Variants in ACVR1 observed in about 807,000 individuals in gnomAD.
ACVR1 encodes activin receptor type-1.
In ACVR1, 38 loss-of-function variants were observed where a neutral mutation model predicts 57.1. The ratio of observed to expected loss-of-function variants is 0.67; its 90% CI spans 0.51 to 0.87. The LOEUF (loss-of-function observed/expected upper bound fraction) is 0.87, where lower values mean the gene tolerates loss of function less well. ACVR1 is among the 40% of genes least tolerant of loss of function. The pLI, the probability that ACVR1 is intolerant of heterozygous loss-of-function variation, is 0.00. For synonymous variants in ACVR1, 212 were observed against 228.1 expected (o/e 0.93, Z 0.63); for missense variants, 463 against 638.2 (o/e 0.73, Z 2.96).
In ACVR1 at chr2:157,799,501, C is replaced by A; in HGVS notation, c.-7-1G>T. The A allele has an allele frequency of 6.2e-7, 1 of 1,607,528 alleles. No homozygotes were observed. Among genetic ancestry groups the A allele is most frequent in the Non-Finnish European group, 8.5e-7 (1 of 1,174,344 alleles). On this transcript the variant is annotated splice_acceptor_variant, in intron 2 of 10. Coordinates refer to ENST00000434821, the MANE Select transcript of ACVR1 (RefSeq NM_001111067.4). LOFTEE classifies it low-confidence loss of function (5UTR_SPLICE). ...CATCACTCCATCTACCATTGTACAA[C>A]TGTAAAGGGAAAAGAAGAGATGTAA...
intron 8 of ACVR1, among the ~76,000 whole-genome samples, chr2:157,764,252 G>A (rs1442251138): frequency 6.6e-6 from 1 of 151,818 alleles, no homozygotes; most frequent in African/African-American, 2.4e-5. Flanking sequence ...GCGCGACCTC[G>A]GCTCACTGCA....
intron 6 of ACVR1, 59 bp downstream of exon 6, chr2:157,774,029 C>T: frequency 6.7e-7 from 1 of 1,486,862 alleles, no homozygotes. Context: ...CCATCTTTTA[C>T]TTCAAAAACA....
intron 1 of ACVR1, among the ~76,000 whole-genome samples, chr2:157,842,096 G>A (rs550808304): frequency 1.3e-5 from 2 of 151,620 alleles, no homozygotes; most frequent in South Asian, 4.2e-4. Context: ...GCTACTTTAG[G>A]GGGAGTCATT....
intron 1 of ACVR1, among the ~76,000 whole-genome samples, chr2:157,834,270 T>G (rs1388530683): frequency 6.6e-6 from 1 of 152,142 alleles, no homozygotes; most frequent in Admixed American, 6.6e-5. Context: ...TTTTTGTGTT[T>G]TTAGCAGAGA....
rs1035254243 is a variant in ACVR1 at position 157,760,889 on chromosome 2, C to G, written c.1255G>C (p.Val419Leu). Residue 419 changes from valine to leucine, a missense_variant, in exon 9 of 11, where the codon GTG becomes CTG. Physicochemically the swap from Val to Leu is conservative, Grantham distance 32 (BLOSUM62 1). This residue lies in a region of ACVR1 where 146 missense variants were observed against 186.6 expected (regional missense o/e 0.78). Coordinates refer to ENST00000434821, the MANE Select transcript of ACVR1 (RefSeq NM_001111067.4). ...TAGATTAGATACCTACCATTGCTCA[C>G]CATCCGCCTGGCCACTTCCCACAAA... Reference protein sequence around the residue: ...LVLWEVARRMVSNGIVEDYKP... With the variant: ...LVLWEVARRMLSNGIVEDYKP... 11 of 1,614,116 alleles carry G rather than the reference C, an allele frequency of 6.8e-6. No individual in the cohort carries two copies. The East Asian group carries it at 2.5e-4, about 36-fold the overall frequency.
At chr2:157,798,489 C>A (rs1183826391) in intron 3 of ACVR1, among the ~76,000 whole-genome samples, 2 of 138,236 alleles carry the variant, frequency 1.4e-5, no homozygotes, top group African/African-American at 5.5e-5. Flanking sequence ...TCATGCCCAA[C>A]TACACCATAA....
intron 1 of ACVR1, among the ~76,000 whole-genome samples, chr2:157,820,090 C>T (rs893678403): frequency 2.0e-5 from 3 of 152,146 alleles, no homozygotes; most frequent in East Asian, 1.9e-4. Context: ...ACTATCAAAC[C>T]GTTCCTCACT....
intron 3 of ACVR1, 30 bp downstream of exon 3, chr2:157,799,392 ACTTAT>A (rs762882208): frequency 6.7e-5 from 103 of 1,537,524 alleles, no homozygotes; most frequent in African/African-American, 9.6e-5. Flanking sequence ...ATCACAGTAT[ACTTAT>A]CTTAACCCAA....
At chr2:157,825,558 G>C (rs1191786689) in intron 1 of ACVR1, among the ~76,000 whole-genome samples, 1 of 152,178 alleles carries the variant, frequency 6.6e-6, no homozygotes, top group Non-Finnish European at 1.5e-5. Flanking sequence ...TAGATTCTCA[G>C]TGGAGCGAAC....
rs762595055 is a variant in ACVR1, at chr2:157,765,928, T to G, written c.1059A>C (p.Ala353=). The change falls in exon 8 of 11, where the codon GCA becomes GCC. Residue 353 remains alanine, a synonymous_variant. Coordinates refer to ENST00000434821, the MANE Select transcript of ACVR1 (RefSeq NM_001111067.4). ...LVKKNGQCCI[A]DLGLAVMHSQ... ...ATATTTTTAGAAATTTACCCAAATC[T>G]GCTATGCAACACTGTCCATTCTTCT... 1.2e-6 allele frequency: 2 copies of G among 1,613,988 alleles called. No homozygotes were observed. The highest frequency in any genetic ancestry group is 1.7e-6 in the Non-Finnish European group (2 of 1,180,020).
Position 157,778,263 on chromosome 2 carries a change from A to G in ACVR1, c.411T>C (p.Leu137=). 1.2e-6 allele frequency: 2 copies of G among 1,614,136 alleles called. No individual in the cohort carries two copies. Among genetic ancestry groups the G allele is most frequent in the Non-Finnish European group, 1.7e-6 (2 of 1,180,008 alleles). Residue 137 remains leucine, a synonymous_variant, in exon 5 of 11, where the codon CTT becomes CTC. Coordinates refer to ENST00000434821, the MANE Select transcript of ACVR1 (RefSeq NM_001111067.4). ...GAGCAACTCCCAGCAGGCAGGCTAA[A>G]AGACATACTGCGAACACTACAGAGA... ...IILSVVFAVC[L]LACLLGVALR...
chr2:157,741,442 T>C (rs1046327711), intron 9 of ACVR1, among the ~76,000 whole-genome samples: 10 of 151,746 alleles, frequency 6.6e-5, no homozygotes, highest in Non-Finnish European at 8.8e-5. Context: ...CCTGGTAACA[T>C]GGTGAAACCC....
intron 9 of ACVR1, among the ~76,000 whole-genome samples, chr2:157,754,827 T>C (rs373182610): frequency 2.0e-5 from 3 of 151,966 alleles, no homozygotes; most frequent in Non-Finnish European, 4.4e-5. Context: ...TACAGACCAA[T>C]ATCCGTGATG....
intron 1 of ACVR1, among the ~76,000 whole-genome samples, chr2:157,840,260 CT>C (rs1482054335): frequency 6.6e-6 from 1 of 152,192 alleles, no homozygotes; most frequent in Middle Eastern, 3.2e-3. Flanking sequence ...CTGTTTTACC[CT>C]GGACTCCACA....
At position 157,876,045 on chromosome 2, in the gene ACVR1, G is replaced by T. The variant is rs1690281783; in HGVS notation, c.-432C>A. Among the ~76,000 whole-genome samples, 3 of 148,860 alleles carry T rather than the reference G, an allele frequency of 2.0e-5. No homozygotes were observed. The highest frequency in any genetic ancestry group is 1.3e-4 in the Admixed American group (2 of 15,014). Reference sequence around the variant, plus strand: ...CCCGGCCCTGGGGCCGGCGCGGCTGGCCGAGGAGCAGGCTGGCAGCGGCAG... The same window carrying T: ...CCCGGCCCTGGGGCCGGCGCGGCTGTCCGAGGAGCAGGCTGGCAGCGGCAG... On this transcript the variant is annotated 5_prime_UTR_variant, in exon 1 of 11. Transcript: ENST00000434821.
chr2:157,825,434 C>T (rs77843755), intron 1 of ACVR1, among the ~76,000 whole-genome samples: 6,731 of 152,136 alleles, frequency 0.044, 324 homozygotes, highest in African/African-American at 0.12. Context: ...AGGCTGTGGA[C>T]GGGTACTGGT....
intron 9 of ACVR1, among the ~76,000 whole-genome samples, chr2:157,757,824 C>T (rs565529950): frequency 1.3e-5 from 2 of 151,200 alleles, no homozygotes; most frequent in Non-Finnish European, 3.0e-5. Context: ...GTAGAGCAGA[C>T]ACAAAAATGA....
chr2:157,832,894 C>A (rs565829974), intron 1 of ACVR1, among the ~76,000 whole-genome samples: 59 of 152,184 alleles, frequency 3.9e-4, no homozygotes, highest in African/African-American at 1.4e-3. Flanking sequence ...AGCAACTTAC[C>A]CGACAATTAA....
intron 2 of ACVR1, among the ~76,000 whole-genome samples, chr2:157,807,853 T>TTGG (rs1295287911): frequency 1.4e-4 from 1 of 7,258 alleles, no homozygotes; most frequent in Non-Finnish European, 4.8e-4. Context: ...CTATAATAAT[T>TTGG]TGGGGGGGGG....
Sources: gnomAD v4.1 joint callset for allele counts (sites outside exome capture counted in the v4.1 genomes callset) on GRCh38, gnomAD v4.1.1 for gene constraint, gnomAD v4.1.1 regional missense constraint, MANE v1.5 for transcripts, NCBI Gene and HGNC (gene_info 2026-07-23, HGNC 2026-07-21) for gene names.